LYPD1: variants seen among roughly 807,000 people sequenced by gnomAD.
LYPD1 encodes ly6/PLAUR domain-containing protein 1.
A neutral mutation model predicts 14.2 loss-of-function variants in LYPD1; 14 were observed. The observed-to-expected ratio is 0.99, with a 90% CI of 0.65 to 1.54. The LOEUF is 1.54. LYPD1 is among the 40% of genes most tolerant of loss of function. The probability of loss-of-function intolerance (pLI) is 0.00; values close to 1 mark genes in which losing one functional copy is unlikely to be tolerated. For synonymous variants in LYPD1, 85 were observed against 70.6 expected, an observed-to-expected ratio of 1.20 and a Z score of -1.02; for missense variants, 165 against 175.7, an observed-to-expected ratio of 0.94 and a Z score of 0.34.
chr2:132,646,554 G>GACTT (rs930382017), intron 2 of LYPD1: 7 of 339,704 alleles, frequency 2.1e-5, no homozygotes, highest in Admixed American at 4.8e-5. Context: ...CTGTTAAATA[G>GACTT]ACTTATTTAC....
chr2:132,665,701 A>G (rs1683227040), intron 2 of LYPD1, among the ~76,000 whole-genome samples: 1 of 152,210 alleles, frequency 6.6e-6, no homozygotes, highest in Admixed American at 6.5e-5. Context: ...TCTGTAACAC[A>G]AAAAGTTTTG....
At position 132,669,906 on chromosome 2, in the gene LYPD1, AGTT is replaced by A. The variant is rs1413024501; in HGVS notation, c.24_26del (p.Thr9del). 1 of 1,612,774 alleles carries A rather than the reference AGTT, an allele frequency of 6.2e-7. No individual in the cohort carries two copies. Among genetic ancestry groups the A allele is most frequent in the African/African-American group, 1.3e-5 (1 of 74,776 alleles). On this transcript the variant is annotated inframe_deletion, in exon 1 of 3. Coordinates refer to ENST00000397463, the MANE Select transcript of LYPD1 (RefSeq NM_144586.7). The surrounding 1 kb of genome is among the most constrained non-coding windows in gnomAD (Gnocchi z 4.3). ...CTGGAAGCAAGAACAATCCGCAAAAAGTTGCCGCGATGCCTAGGACCCACATTC... is the reference window on the plus strand; with the variant it reads ...CTGGAAGCAAGAACAATCCGCAAAAAGCCGCGATGCCTAGGACCCACATTC...
intron 2 of LYPD1, among the ~76,000 whole-genome samples, chr2:132,660,858 G>A (rs1682889080): frequency 6.6e-6 from 1 of 152,212 alleles, no homozygotes; most frequent in Admixed American, 6.5e-5. Flanking sequence ...CTAGGCTTGT[G>A]CATGGACATG....
Position 132,670,122 on chromosome 2 carries a change from C to A in LYPD1, c.-190G>T. The A allele has an allele frequency of 7.1e-7, 1 of 1,407,626 alleles. No individual in the cohort carries two copies. Among genetic ancestry groups the A allele is most frequent in the Non-Finnish European group, 9.2e-7 (1 of 1,092,390 alleles). 87.2% of individuals were successfully genotyped at this position (1,407,626 alleles called of 1,614,324 possible). A position where few individuals can be genotyped will look rare whatever the true frequency, so the allele number is the denominator to read the frequency against. On this transcript the variant is annotated 5_prime_UTR_variant, in exon 1 of 3. Transcript: ENST00000397463. The surrounding 1 kb of genome is among the most constrained non-coding windows in gnomAD (Gnocchi z 4.5). Reference sequence around the variant, plus strand: ...GGAGCCTGCATCGCCCGCGCTCGGGCTCCCGGCTGCGGGTCTCTGCTCCTC... The same window carrying A: ...GGAGCCTGCATCGCCCGCGCTCGGGATCCCGGCTGCGGGTCTCTGCTCCTC...
chr2:132,668,904 C>T (rs935036609), intron 1 of LYPD1, among the ~76,000 whole-genome samples: 4 of 152,234 alleles, frequency 2.6e-5, no homozygotes, highest in Admixed American at 2.0e-4. Flanking sequence ...AAAGGATTTG[C>T]CTAATTGCTA....
In LYPD1 at chr2:132,644,069, C is replaced by G. The variant is rs988720758; in HGVS notation, c.*1976G>C. ...TTACGAAAAGAGAGAGCAAATGCTT[C>G]ACAGATCCCCTGATCTTCCTTTGTT... is the stretch of plus-strand genomic sequence containing the variant. On this transcript the variant is annotated 3_prime_UTR_variant, in exon 3 of 3. Coordinates refer to ENST00000397463, the MANE Select transcript of LYPD1 (RefSeq NM_144586.7). Among the ~76,000 whole-genome samples, 1 of 152,210 alleles carries G rather than the reference C, an allele frequency of 6.6e-6. No individual in the cohort carries two copies. Among genetic ancestry groups the G allele is most frequent in the Non-Finnish European group, 1.5e-5 (1 of 68,042 alleles).
chr2:132,650,971 A>C (rs1319167512), intron 2 of LYPD1, among the ~76,000 whole-genome samples: 2 of 152,206 alleles, frequency 1.3e-5, no homozygotes, highest in Non-Finnish European at 2.9e-5. Context: ...CTGTACTCTT[A>C]ACCATTATAC....
chr2:132,661,883 A>G (rs760980793), intron 2 of LYPD1, among the ~76,000 whole-genome samples: 3 of 152,130 alleles, frequency 2.0e-5, no homozygotes, highest in Admixed American at 2.0e-4. Context: ...ATATTTCAAT[A>G]AAATTGTTGT....
Position 132,645,926 on chromosome 2 carries a change from G to C in LYPD1, c.*119C>G. The C allele has an allele frequency of 2.7e-6, 2 of 738,092 alleles. No individual in the cohort carries two copies. The highest frequency in any genetic ancestry group is 4.3e-6 in the Non-Finnish European group (2 of 463,246). The allele number at this position is 738,092 out of a possible 1,614,324, so 45.7% of individuals were successfully genotyped here. A position where few individuals can be genotyped will look rare whatever the true frequency, so the allele number is the denominator to read the frequency against. ...TTTGCACAGGAACAAAAGAGAACACGGACTCCCGCTCCCTACCCAGAATAA... is the reference window on the plus strand; with the variant it reads ...TTTGCACAGGAACAAAAGAGAACACCGACTCCCGCTCCCTACCCAGAATAA... On this transcript the variant is annotated 3_prime_UTR_variant, in exon 3 of 3. Transcript: ENST00000397463.
At chr2:132,652,483 T>A (rs969272653) in intron 2 of LYPD1, among the ~76,000 whole-genome samples, 1 of 152,112 alleles carries the variant, frequency 6.6e-6, no homozygotes, top group Non-Finnish European at 1.5e-5. Context: ...AAGGCAGAAC[T>A]GTGAGAGGCT....
intron 2 of LYPD1, among the ~76,000 whole-genome samples, chr2:132,647,269 C>T (rs562049470): frequency 2.0e-5 from 3 of 152,318 alleles, no homozygotes; most frequent in East Asian, 3.9e-4. Context: ...GTCACATGAA[C>T]AGGAAGTGGA....
chr2:132,660,038 A>G (rs918961134), intron 2 of LYPD1, among the ~76,000 whole-genome samples: 9 of 152,246 alleles, frequency 5.9e-5, no homozygotes, highest in Non-Finnish European at 7.3e-5. Context: ...TGCAGTATGC[A>G]TGGACCACTG....
At chr2:132,667,255 G>T (rs1319768960) in intron 2 of LYPD1, among the ~76,000 whole-genome samples, 2 of 152,092 alleles carry the variant, frequency 1.3e-5, no homozygotes, top group Non-Finnish European at 2.9e-5. Context: ...AGTGATTTTG[G>T]TGCAACAAAT....
upstream of LYPD1, among the ~76,000 whole-genome samples, chr2:132,670,556 C>A (rs979451210): frequency 3.9e-5 from 6 of 152,172 alleles, no homozygotes; most frequent in Admixed American, 6.5e-5. The surrounding 1 kb of genome is among the most constrained non-coding windows in gnomAD (Gnocchi z 4.5). Flanking sequence ...AGCCTCCCCA[C>A]TCCACGTCCT....
At position 132,669,711 on chromosome 2, in the gene LYPD1, G is replaced by C; in HGVS notation, c.52+170C>G. ...GCTCTCCTCCTGCAGCGCGGGACTTGGACACTTTCCCAGCCTCGCGCCCCG... is the reference window on the plus strand; with the variant it reads ...GCTCTCCTCCTGCAGCGCGGGACTTCGACACTTTCCCAGCCTCGCGCCCCG... On this transcript the variant is annotated intron_variant, in intron 1 of 2. Coordinates refer to ENST00000397463, the MANE Select transcript of LYPD1 (RefSeq NM_144586.7). The surrounding 1 kb of genome is among the most constrained non-coding windows in gnomAD (Gnocchi z 4.3). 1 of 1,356,964 alleles carries C rather than the reference G, an allele frequency of 7.4e-7. No individual in the cohort carries two copies. 84.1% of individuals were successfully genotyped at this position (1,356,964 alleles called of 1,614,324 possible).
chr2:132,665,318 C>G (rs546759125), intron 2 of LYPD1, among the ~76,000 whole-genome samples: 1 of 152,308 alleles, frequency 6.6e-6, no homozygotes, highest in South Asian at 2.1e-4. Context: ...GTCAGACTGG[C>G]TTAGTTCATT....
At chr2:132,662,971 A>G (rs908492487) in intron 2 of LYPD1, 4 of 152,240 alleles carry the variant, frequency 2.6e-5, no homozygotes, top group East Asian at 1.9e-4. Flanking sequence ...GGAGAGTCCA[A>G]GGGAAAGACA....
chr2:132,668,482 G>A lies in LYPD1; in HGVS notation c.108C>T (p.Asp36=). The A allele has an allele frequency of 6.2e-7, 1 of 1,612,234 alleles. No individual in the cohort carries two copies. ...TCACAATGAACTCGGGGGAGGAGCA[G>A]TCGTTGTTCAGCTGGAATTCTTCAC... ...YQCEEFQLNN[D]CSSPEFIVNC... The change falls in exon 2 of 3, where the codon GAC becomes GAT. Residue 36 remains aspartate, a synonymous_variant. Coordinates refer to ENST00000397463, the MANE Select transcript of LYPD1 (RefSeq NM_144586.7).
At position 132,655,014 on chromosome 2, in the gene LYPD1, G is replaced by A. The variant is rs144507258; in HGVS notation, c.191-8734C>T. Among the ~76,000 whole-genome samples, 36 of 152,266 alleles carry A rather than the reference G, an allele frequency of 2.4e-4. 1 individual carries two copies. Among genetic ancestry groups the A allele is most frequent in the Admixed American group, 7.2e-4 (11 of 15,296 alleles). The stretch of plus-strand genomic sequence containing the variant: ...CCCAAAGTGCTGGGATTACAAGCAT[G>A]AGCCACGGAGCCCGGCCTCTCTCTC... On this transcript the variant is annotated intron_variant, in intron 2 of 2. Transcript: ENST00000397463.
Sources: gnomAD v4.1 joint callset for allele counts (sites outside exome capture counted in the v4.1 genomes callset) on GRCh38, gnomAD v4.1.1 for gene constraint, Gnocchi (gnomAD v3.1) non-coding constraint, MANE v1.5 for transcripts, NCBI Gene and HGNC (gene_info 2026-07-23, HGNC 2026-07-21) for gene names.